Variants in VIPAS39 observed in about 807,000 individuals in gnomAD.
The protein encoded by VIPAS39 is spermatogenesis-defective protein 39 homolog.
A neutral mutation model predicts 84.7 loss-of-function variants in VIPAS39; 63 were observed. The observed-to-expected ratio is 0.74, with a 90% CI of 0.61 to 0.92. The LOEUF (loss-of-function observed/expected upper bound fraction) is 0.92. Among genes scored for constraint, VIPAS39 ranks in the 40% least tolerant of loss-of-function variants. The pLI is 0.00. For missense variants in VIPAS39, 499 were observed against 604.5 expected (o/e 0.83, Z 1.83); for synonymous variants, 192 against 216.5 (o/e 0.89, Z 0.99).
chr14:77,443,482 C>T (rs945028480), intron 8 of VIPAS39, among the ~76,000 whole-genome samples: 45 of 152,204 alleles, frequency 3.0e-4, no homozygotes, highest in African/African-American at 1.0e-3. Flanking sequence ...GGCATGGTGA[C>T]TCATGCCCAT....
intron 19 of VIPAS39, among the ~76,000 whole-genome samples, 185 bp downstream of exon 19, chr14:77,428,185 C>T (rs181486042): frequency 3.3e-5 from 5 of 152,234 alleles, no homozygotes; most frequent in African/African-American, 9.6e-5. Context: ...CCTATCATAC[C>T]GCATCTCAGG....
At position 77,435,921 on chromosome 14, in the gene VIPAS39, T is replaced by C. The variant is rs1208028530; in HGVS notation, c.837-2A>G. The C allele has an allele frequency of 6.2e-7, 1 of 1,614,120 alleles. No individual in the cohort carries two copies. The highest frequency in any genetic ancestry group is 1.7e-4 in the Middle Eastern group (1 of 6,060). ...GAATCTTCTGCTGAAAATGGCAAACTGGTAGAGTGCCAGAAGGTTAGTACC... is the reference window on the plus strand; with the variant it reads ...GAATCTTCTGCTGAAAATGGCAAACCGGTAGAGTGCCAGAAGGTTAGTACC... On this transcript the variant is annotated splice_acceptor_variant, in intron 12 of 19. Coordinates refer to ENST00000557658, the MANE Select transcript of VIPAS39 (RefSeq NM_001193315.2). LOFTEE classifies it high-confidence loss of function.
At chr14:77,442,985 G>T in intron 9 of VIPAS39, 134 bp downstream of exon 9, 1 of 1,194,988 alleles carries the variant, frequency 8.4e-7, no homozygotes, top group Non-Finnish European at 1.2e-6. Context: ...TTTGTGCTCT[G>T]AAGTCTCAGG....
chr14:77,456,554 A>T (rs1379546488), intron 1 of VIPAS39, among the ~76,000 whole-genome samples: 2 of 152,218 alleles, frequency 1.3e-5, no homozygotes, highest in East Asian at 1.9e-4. Context: ...TTCAGTATCA[A>T]AGCCACTTTG....
At chr14:77,445,217 C>T (rs2078769242) in intron 7 of VIPAS39, among the ~76,000 whole-genome samples, 1 of 152,158 alleles carries the variant, frequency 6.6e-6, no homozygotes, top group South Asian at 2.1e-4. Flanking sequence ...CCTCAGCCTC[C>T]CAAGGTGCTG....
intron 12 of VIPAS39, among the ~76,000 whole-genome samples, chr14:77,436,322 T>C (rs1368305061): frequency 3.9e-5 from 6 of 152,246 alleles, no homozygotes; most frequent in Non-Finnish European, 7.3e-5. Context: ...CTAGATTTGT[T>C]AGCCATTTTT....
In VIPAS39 at chr14:77,437,810, A is replaced by T. The variant is rs1464438521; in HGVS notation, c.834T>A (p.Val278=). The T allele has an allele frequency of 3.1e-6, 5 of 1,614,072 alleles. No homozygotes were observed. Among genetic ancestry groups the T allele is most frequent in the Non-Finnish European group, 3.4e-6 (4 of 1,179,930 alleles). The change falls in exon 12 of 20, where the codon GTT becomes GTA. Residue 278 remains valine, a splice_region_variant and synonymous_variant. Transcript: ENST00000557658. ...AATCATTTTTCCCCCATACTTACCCAACACAGGTTTTAAGAAATTCTTTTC... is the reference window on the plus strand; with the variant it reads ...AATCATTTTTCCCCCATACTTACCCTACACAGGTTTTAAGAAATTCTTTTC... ...DKRKEFLKTC[V]GLPFSAEDSA...
chr14:77,452,953 G>A (rs1489077608), intron 3 of VIPAS39, among the ~76,000 whole-genome samples: 1 of 152,096 alleles, frequency 6.6e-6, no homozygotes, highest in Non-Finnish European at 1.5e-5. Context: ...ATCACCTGCA[G>A]TGTTTATTAA....
In VIPAS39 at chr14:77,433,897, G is replaced by C. The variant is rs747290213; in HGVS notation, c.1124C>G (p.Ala375Gly). The change falls in exon 16 of 20, where the codon GCT becomes GGT. Residue 375 changes from alanine to glycine, a missense_variant. Coordinates refer to ENST00000557658, the MANE Select transcript of VIPAS39 (RefSeq NM_001193315.2). ...CCAGGCTCGAAGCTTGGCACGAGCA[G>C]CCAGGGCTGTCAGCACATACTGTTT... The part of the protein sequence containing the change: ...PDKQYVLTAL[A>G]ARAKLRAWND... The C allele has an allele frequency of 1.4e-5, 22 of 1,613,968 alleles. No homozygotes were observed. Among genetic ancestry groups the C allele is most frequent in the Non-Finnish European group, 1.2e-5 (14 of 1,179,986 alleles).
intron 11 of VIPAS39, among the ~76,000 whole-genome samples, chr14:77,439,075 A>T (rs1443285729): frequency 6.6e-6 from 1 of 152,210 alleles, no homozygotes; most frequent in Non-Finnish European, 1.5e-5. Flanking sequence ...TAGGTCTTTC[A>T]AGAAAAGTTC....
At chr14:77,437,692 G>C (rs907698550) in intron 12 of VIPAS39, 116 bp downstream of exon 12, 1 of 1,074,144 alleles carries the variant, frequency 9.3e-7, no homozygotes, top group Non-Finnish European at 1.4e-6. Context: ...AATGATGCTG[G>C]TATGATTCAT....
intron 2 of VIPAS39, among the ~76,000 whole-genome samples, chr14:77,453,743 TC>T (rs1462959102): frequency 6.6e-6 from 1 of 151,928 alleles, no homozygotes; most frequent in Non-Finnish European, 1.5e-5. Context: ...AATCTTCCAA[TC>T]CAGTTCATCT....
At position 77,435,335 on chromosome 14, in the gene VIPAS39, C is replaced by T. The variant is rs957689801; in HGVS notation, c.971G>A (p.Arg324His). The T allele has an allele frequency of 3.1e-6, 5 of 1,595,172 alleles. No homozygotes were observed. The highest frequency in any genetic ancestry group is 4.3e-6 in the Non-Finnish European group (5 of 1,171,714). ...GQTEIFRKHP[R>H]KASILNMPLV... Reference sequence around the variant, plus strand: ...TGGCATGTTGAGGATGGAGGCTTTGCGGGGGTGCTTTCGGAAGATCTCAGT... The same window carrying T: ...TGGCATGTTGAGGATGGAGGCTTTGTGGGGGTGCTTTCGGAAGATCTCAGT... The change falls in exon 14 of 20, where the codon CGC becomes CAC. Residue 324 changes from arginine to histidine, a missense_variant. Arg to His is a conservative substitution (Grantham distance 29). Coordinates refer to ENST00000557658, the MANE Select transcript of VIPAS39 (RefSeq NM_001193315.2).
Position 77,435,215 on chromosome 14 carries a change from T to C in VIPAS39, c.1047+44A>G, listed in dbSNP as rs2078588285. 6 of 1,613,212 alleles carry C rather than the reference T, an allele frequency of 3.7e-6. No homozygotes were observed. In the East Asian group the frequency reaches 1.1e-4, roughly 30 times the overall value. The stretch of plus-strand genomic sequence containing the variant: ...GTACTGGATTTGAACTATCTTCTTT[T>C]TGTGCAATGAGAGTTTGTGGAATCT... On this transcript the variant is annotated intron_variant, in intron 14 of 19. Transcript: ENST00000557658.
intron 14 of VIPAS39, 135 bp from the exon 15 acceptor site, chr14:77,434,438 G>C: frequency 1.2e-6 from 1 of 859,778 alleles, no homozygotes; most frequent in Non-Finnish European, 1.9e-6. Context: ...ATTAATTTCA[G>C]GGAAAAGCTC....
chr14:77,448,615 C>A, intron 6 of VIPAS39, 65 bp from the exon 7 acceptor site: 1 of 1,536,436 alleles, frequency 6.5e-7, no homozygotes, highest in Non-Finnish European at 9.0e-7. Context: ...CATACCCGCT[C>A]CTCAACTCAA....
intron 16 of VIPAS39, among the ~76,000 whole-genome samples, chr14:77,433,243 C>T (rs150147031): frequency 5.1e-4 from 78 of 152,034 alleles, no homozygotes; most frequent in African/African-American, 1.7e-3. Context: ...TCTTGTTGCC[C>T]AGGCTGGAGT....
At chr14:77,430,953 A>C (rs1427351074) in intron 16 of VIPAS39, among the ~76,000 whole-genome samples, 1 of 152,176 alleles carries the variant, frequency 6.6e-6, no homozygotes, top group African/African-American at 2.4e-5. Flanking sequence ...TAGTCTCTTC[A>C]ATGAGTGGTG....
intron 6 of VIPAS39, 61 bp downstream of exon 6, chr14:77,449,232 A>C: frequency 5.3e-6 from 8 of 1,513,660 alleles, no homozygotes; most frequent in Non-Finnish European, 6.4e-6. Flanking sequence ...CAAGCCAGGT[A>C]ACATATGTCA....
Sources: gnomAD v4.1 joint callset for allele counts (sites outside exome capture counted in the v4.1 genomes callset) on GRCh38, gnomAD v4.1.1 for gene constraint, MANE v1.5 for transcripts, NCBI Gene and HGNC (gene_info 2026-07-23, HGNC 2026-07-21) for gene names.